Variants in MYO5B observed in about 807,000 individuals in gnomAD.
The protein encoded by MYO5B is myosin VB.
MYO5B carries 143 observed loss-of-function variants against 229.3 expected under a neutral mutation model. The ratio of observed to expected loss-of-function variants is 0.62; its 90% confidence interval spans 0.54 to 0.72. The LOEUF (loss-of-function observed/expected upper bound fraction) is 0.72. MYO5B is among the 30% of genes least tolerant of loss of function. MYO5B has a pLI of 0.00. For missense variants in MYO5B, 2,321 were observed against 2,331.0 expected (o/e 1.00, Z 0.09); for synonymous variants, 918 against 885.2 (o/e 1.04, Z -0.66).
intron 7 of MYO5B, among the ~76,000 whole-genome samples, chr18:49,985,695 G>A (rs1479845022): frequency 2.0e-5 from 3 of 152,228 alleles, no homozygotes; most frequent in East Asian, 1.9e-4. Flanking sequence ...AGTGTATAAC[G>A]TTTGGTTTTG....
At chr18:50,162,444 G>A (rs1485851094) in intron 1 of MYO5B, among the ~76,000 whole-genome samples, 3 of 152,184 alleles carry the variant, frequency 2.0e-5, no homozygotes, top group African/African-American at 7.2e-5. Flanking sequence ...TGGAAGGACT[G>A]TGCTGATCTA....
chr18:50,024,697 G>A (rs1027832239), intron 4 of MYO5B, among the ~76,000 whole-genome samples: 1 of 152,118 alleles, frequency 6.6e-6, no homozygotes, highest in Admixed American at 6.5e-5. Context: ...GTCCACTGTG[G>A]TTCTAAAGGA....
At chr18:49,901,043 C>A (rs2144141105) in intron 21 of MYO5B, among the ~76,000 whole-genome samples, 1 of 152,308 alleles carries the variant, frequency 6.6e-6, no homozygotes, top group East Asian at 1.9e-4. Flanking sequence ...AATGATCTCA[C>A]AAAATTGTAT....
intron 4 of MYO5B, among the ~76,000 whole-genome samples, chr18:50,033,964 TCA>T (rs1377518985): frequency 9.2e-5 from 14 of 152,156 alleles, no homozygotes; most frequent in Non-Finnish European, 1.5e-5. Flanking sequence ...CCTCATGCTC[TCA>T]CAGAGTCTCC....
chr18:49,883,710 C>T (rs1169462872), intron 22 of MYO5B, among the ~76,000 whole-genome samples: 1 of 152,188 alleles, frequency 6.6e-6, no homozygotes, highest in Non-Finnish European at 1.5e-5. Context: ...AATAATCACA[C>T]TTCTAAATTT....
chr18:50,166,472 A>C (rs1458928045), intron 1 of MYO5B, among the ~76,000 whole-genome samples: 1 of 152,160 alleles, frequency 6.6e-6, no homozygotes, highest in South Asian at 2.1e-4. Context: ...CCAATAACAC[A>C]CAGCTAAGCT....
At chr18:49,981,690 G>A (rs1248747208) in intron 8 of MYO5B, among the ~76,000 whole-genome samples, 1 of 152,200 alleles carries the variant, frequency 6.6e-6, no homozygotes, top group African/African-American at 2.4e-5. Flanking sequence ...TCAGAAACCT[G>A]AATGGTAGAA....
intron 1 of MYO5B, among the ~76,000 whole-genome samples, chr18:50,160,281 G>A (rs1007197192): frequency 6.6e-6 from 1 of 152,204 alleles, no homozygotes; most frequent in African/African-American, 2.4e-5. Context: ...ATCTGCAGAG[G>A]GCAAGGCTGT....
At chr18:49,979,829 G>A (rs1170784608) in intron 9 of MYO5B, among the ~76,000 whole-genome samples, 2 of 152,150 alleles carry the variant, frequency 1.3e-5, no homozygotes, top group Non-Finnish European at 2.9e-5. Flanking sequence ...ATTGCTGTGG[G>A]TGCCACTTCC....
chr18:49,827,582 A>G (rs2023862572), intron 39 of MYO5B, among the ~76,000 whole-genome samples: 1 of 152,174 alleles, frequency 6.6e-6, no homozygotes, highest in Non-Finnish European at 1.5e-5. Context: ...CAGGCAGAAG[A>G]AAATCAGTGA....
intron 5 of MYO5B, among the ~76,000 whole-genome samples, chr18:49,994,851 A>G (rs2025970276): frequency 6.6e-6 from 1 of 152,214 alleles, no homozygotes; most frequent in African/African-American, 2.4e-5. Flanking sequence ...AAAGGAGGCT[A>G]TATTTCCTAA....
At chr18:50,040,082 G>C in intron 3 of MYO5B, 61 bp downstream of exon 3, 1 of 1,549,550 alleles carries the variant, frequency 6.5e-7, no homozygotes, top group Non-Finnish European at 8.9e-7. Flanking sequence ...TTTGAGTTGA[G>C]CAAGTCTAAA....
At chr18:50,071,469 A>G (rs1010713488) in intron 1 of MYO5B, among the ~76,000 whole-genome samples, 9 of 152,220 alleles carry the variant, frequency 5.9e-5, no homozygotes, top group Non-Finnish European at 2.9e-5. Context: ...CACACACTCT[A>G]GCACTATAGA....
At chr18:50,088,183 A>T (rs1599011625) in intron 1 of MYO5B, among the ~76,000 whole-genome samples, 1 of 152,152 alleles carries the variant, frequency 6.6e-6, no homozygotes, top group East Asian at 1.9e-4. Context: ...AGAAGGAAAT[A>T]AACGTGGCAA....
rs879141622 is a variant in MYO5B, at chr18:49,904,545, G to A, written c.2571+127C>T. 1.3e-5 allele frequency: 15 copies of A among 1,138,098 alleles called. No individual in the cohort carries two copies. The South Asian group carries it at 1.8e-4, about 13-fold the overall frequency. The allele number at this position is 1,138,098 out of a possible 1,614,324, so 70.5% of individuals were successfully genotyped here. On this transcript the variant is annotated intron_variant, in intron 20 of 39. Coordinates refer to ENST00000285039, the MANE Select transcript of MYO5B (RefSeq NM_001080467.3). ...GGACTTCAGAAAGGATTTGGTGAGA[G>A]CAGAGATGTGAAAGCATTTAGAAAA...
chr18:50,072,766 T>C (rs539790828), intron 1 of MYO5B, among the ~76,000 whole-genome samples: 15 of 151,996 alleles, frequency 9.9e-5, no homozygotes, highest in Admixed American at 5.9e-4. Context: ...CAGTACAGGA[T>C]TGCATCTAGT....
At chr18:49,911,995 G>T (rs989648845) in intron 18 of MYO5B, 67 bp downstream of exon 18, 3 of 1,200,992 alleles carry the variant, frequency 2.5e-6, no homozygotes, top group African/African-American at 3.0e-5. Flanking sequence ...TGTAGATAAC[G>T]ACGCCACCCC....
chr18:50,027,209 A>G (rs1006871325), intron 4 of MYO5B, among the ~76,000 whole-genome samples: 3 of 152,206 alleles, frequency 2.0e-5, no homozygotes, highest in African/African-American at 7.2e-5. Flanking sequence ...ACACACCTTG[A>G]AAAACTAAAT....
intron 1 of MYO5B, among the ~76,000 whole-genome samples, chr18:50,129,414 C>T (rs1276170016): frequency 6.6e-6 from 1 of 152,142 alleles, no homozygotes; most frequent in African/African-American, 2.4e-5. Context: ...TGAAAGGAAA[C>T]AGGAAATGAA....
Sources: allele counts gnomAD v4.1 joint callset (sites outside exome capture counted in the v4.1 genomes callset), GRCh38; gene constraint gnomAD v4.1.1; transcripts MANE v1.5; gene names NCBI Gene and HGNC (gene_info 2026-07-23, HGNC 2026-07-21).